The following GSG1L variants were observed in gnomAD, a reference collection of about 807,000 sequenced individuals.
GSG1L encodes the protein GSG1 like, also known as germ cell-specific gene 1-like protein.
A neutral mutation model predicts 42.1 loss-of-function variants in GSG1L; 24 were observed. The observed-to-expected ratio is 0.57, with a 90% CI of 0.41 to 0.80. The LOEUF is 0.80. Among genes scored for constraint, GSG1L ranks in the 30% least tolerant of loss-of-function variants. The pLI, the probability that GSG1L is intolerant of heterozygous loss-of-function variation, is 0.00. For missense variants in GSG1L, 445 were observed against 472.2 expected, an observed-to-expected ratio of 0.94 and a Z score of 0.53; for synonymous variants, 215 against 203.5, an observed-to-expected ratio of 1.06 and a Z score of -0.48.
intron 2 of GSG1L, among the ~76,000 whole-genome samples, chr16:27,897,127 G>A (rs574343097): frequency 3.5e-4 from 54 of 152,228 alleles, no homozygotes; most frequent in African/African-American, 1.3e-3. Context: ...GCCTCCCAAA[G>A]TGCTGGGATA....
intron 1 of GSG1L, among the ~76,000 whole-genome samples, chr16:28,051,782 G>A (rs2086224801): frequency 1.3e-5 from 2 of 152,208 alleles, no homozygotes; most frequent in African/African-American, 2.4e-5. Flanking sequence ...GAGTAACGGG[G>A]CAGGTGATGG....
chr16:27,954,255 C>A (rs76020226), intron 2 of GSG1L, among the ~76,000 whole-genome samples: 2,622 of 152,016 alleles, frequency 0.017, 26 homozygotes, highest in Middle Eastern at 0.041. Context: ...ATCCTCAGAA[C>A]AAAGAGGATG....
chr16:27,888,219 C>T, intron 2 of GSG1L: 1 of 672,432 alleles, frequency 1.5e-6, no homozygotes, highest in Non-Finnish European at 1.8e-6. Flanking sequence ...GGGCCCCGGG[C>T]CAGGACGCTT....
intron 5 of GSG1L, among the ~76,000 whole-genome samples, chr16:27,813,292 TA>T (rs1341933813): frequency 1.3e-5 from 2 of 152,196 alleles, no homozygotes; most frequent in Non-Finnish European, 2.9e-5. Context: ...CCTCATCATT[TA>T]GCTCTCACTT....
In GSG1L at chr16:27,955,916, GGAAGGAAGGAAA is replaced by G. The variant is rs1223062900; in HGVS notation, c.397+7228_397+7239del. Among the ~76,000 whole-genome samples, 1,340 of 140,008 alleles carry G rather than the reference GGAAGGAAGGAAA, an allele frequency of 9.6e-3. 29 individuals carry two copies. The highest frequency in any genetic ancestry group is 0.038 in the African/African-American group (1,281 of 34,092). The allele number at this position is 140,008 out of a possible 152,430, so 91.9% of individuals were successfully genotyped here. A position where few individuals can be genotyped will look rare whatever the true frequency, so the allele number is the denominator to read the frequency against. On this transcript the variant is annotated intron_variant, in intron 2 of 6. Coordinates refer to ENST00000447459, the MANE Select transcript of GSG1L (RefSeq NM_001109763.2). Reference sequence around the variant, plus strand: ...AGGAAGGAAGGAAGGAAGGAAGGAAGGAAGGAAGGAAAGAAGGAAGGAAGGAAGGGAGGAAGG... The same window carrying G: ...AGGAAGGAAGGAAGGAAGGAAGGAAGGAAGGAAGGAAGGAAGGGAGGAAGG...
intron 1 of GSG1L, among the ~76,000 whole-genome samples, chr16:28,019,870 A>G (rs1293192451): frequency 6.6e-6 from 1 of 151,738 alleles, no homozygotes; most frequent in African/African-American, 2.4e-5. Context: ...AGCCCCTACC[A>G]CTCCCTATTA....
At chr16:27,974,128 CT>C (rs1268256917) in intron 1 of GSG1L, among the ~76,000 whole-genome samples, 1 of 152,112 alleles carries the variant, frequency 6.6e-6, no homozygotes, top group Non-Finnish European at 1.5e-5. Flanking sequence ...CAGAGGCCCA[CT>C]GGAGGGTGAT....
chr16:27,832,384 T>C (rs904358429), intron 4 of GSG1L, among the ~76,000 whole-genome samples: 3 of 152,242 alleles, frequency 2.0e-5, no homozygotes, highest in Non-Finnish European at 4.4e-5. Context: ...ACTTCCCTCC[T>C]GACCTCCCAC....
chr16:27,928,658 C>T (rs1042499295), intron 2 of GSG1L, among the ~76,000 whole-genome samples: 2 of 152,142 alleles, frequency 1.3e-5, no homozygotes, highest in Non-Finnish European at 2.9e-5. Context: ...TGGTGACATT[C>T]GGCAGGTGAG....
chr16:28,045,323 G>A (rs2086149163), intron 1 of GSG1L, among the ~76,000 whole-genome samples: 1 of 152,124 alleles, frequency 6.6e-6, no homozygotes, highest in Admixed American at 6.6e-5. Flanking sequence ...AAGAAAGGGG[G>A]GATATGGGAT....
intron 1 of GSG1L, among the ~76,000 whole-genome samples, chr16:27,999,976 G>C (rs2085564575): frequency 6.6e-6 from 1 of 152,206 alleles, no homozygotes; most frequent in Non-Finnish European, 1.5e-5. Context: ...CAAGGCTACT[G>C]ATAAGCATAG....
intron 1 of GSG1L, among the ~76,000 whole-genome samples, chr16:28,052,196 G>A (rs2086228613): frequency 6.6e-6 from 1 of 152,098 alleles, no homozygotes; most frequent in African/African-American, 2.4e-5. Flanking sequence ...ATGGGGCTAA[G>A]AGAGGGGCAG....
rs1440736039 is a variant in GSG1L, at chr16:27,789,638, G to T, written c.*1732C>A. On this transcript the variant is annotated 3_prime_UTR_variant, in exon 7 of 7. Coordinates refer to ENST00000447459, the MANE Select transcript of GSG1L (RefSeq NM_001109763.2). ...ATAATGGATAAATAGCTAACGAATGGGTGGATGGATGATGAATGGATGGAT... is the reference window on the plus strand; with the variant it reads ...ATAATGGATAAATAGCTAACGAATGTGTGGATGGATGATGAATGGATGGAT... 6.6e-6 allele frequency: 1 copy of T among 151,840 alleles called. No homozygotes were observed. The allele number at this position is 151,840 out of a possible 1,614,324, so 9.4% of individuals were successfully genotyped here.
chr16:27,961,162 C>T (rs924690235), intron 2 of GSG1L, among the ~76,000 whole-genome samples: 4 of 152,260 alleles, frequency 2.6e-5, no homozygotes, highest in Admixed American at 6.5e-5. Context: ...CATGTGTACA[C>T]GCCTCCATGC....
At chr16:27,925,091 G>T (rs1332603678) in intron 2 of GSG1L, among the ~76,000 whole-genome samples, 1 of 152,218 alleles carries the variant, frequency 6.6e-6, no homozygotes, top group African/African-American at 2.4e-5. Flanking sequence ...ATTCCTTCTG[G>T]AGGAAGGAGA....
At chr16:28,039,574 C>A (rs941055699) in intron 1 of GSG1L, among the ~76,000 whole-genome samples, 1 of 151,452 alleles carries the variant, frequency 6.6e-6, no homozygotes, top group African/African-American at 2.4e-5. Flanking sequence ...TATGTGCACA[C>A]ACGCGCACAC....
chr16:27,982,370 G>A (rs780360345), intron 1 of GSG1L, among the ~76,000 whole-genome samples: 25 of 152,140 alleles, frequency 1.6e-4, no homozygotes, highest in Admixed American at 3.9e-4. Flanking sequence ...AGCATCCCCC[G>A]CATCCCAGTG....
intron 1 of GSG1L, among the ~76,000 whole-genome samples, chr16:28,003,412 C>T (rs1383441731): frequency 6.6e-6 from 1 of 152,218 alleles, no homozygotes; most frequent in Admixed American, 6.5e-5. Flanking sequence ...CCTCTGAACA[C>T]ATGCCTGCCT....
chr16:28,034,554 T>C (rs1172836709), intron 1 of GSG1L, among the ~76,000 whole-genome samples: 1 of 152,168 alleles, frequency 6.6e-6, no homozygotes, highest in East Asian at 1.9e-4. Flanking sequence ...GTCTCCTCTT[T>C]TTTTCCCTTT....
Sources: allele counts gnomAD v4.1 joint callset (sites outside exome capture counted in the v4.1 genomes callset), GRCh38; gene constraint gnomAD v4.1.1; transcripts MANE v1.5; gene names NCBI Gene and HGNC (gene_info 2026-07-23, HGNC 2026-07-21).